The following NTRK3 variants were observed in gnomAD, a reference collection of about 807,000 sequenced individuals.
The protein encoded by NTRK3 is neurotrophic receptor tyrosine kinase 3, also known as NT-3 growth factor receptor.
Under a neutral mutation model 91.7 loss-of-function variants are expected in NTRK3, and 24 were observed. That is an observed-to-expected ratio of 0.26 (90% CI 0.19 to 0.37). NTRK3 has a LOEUF of 0.37. Among genes scored for constraint, NTRK3 ranks in the 10% least tolerant of loss-of-function variants. NTRK3 has a pLI of 1.00. For missense variants in NTRK3, 880 were observed against 1,068.9 expected (o/e 0.82, Z 2.46); for synonymous variants, 483 against 404.0 (o/e 1.20, Z -2.34).
Position 88,255,839 on chromosome 15 carries a change from C to T in NTRK3, c.248+67G>A. ...GGCGGGCGGAGGGCCGGCTCCCGGC[C>T]GCGGGTGGGCAGGAGGGAGACGCAG... On this transcript the variant is annotated intron_variant, in intron 3 of 18. Transcript: ENST00000394480. This position sits in a 1 kb window ranked among gnomAD's most constrained non-coding sequence, Gnocchi z 4.3. 1 of 1,410,754 alleles carries T rather than the reference C, an allele frequency of 7.1e-7. No homozygotes were observed. Among genetic ancestry groups the T allele is most frequent in the Non-Finnish European group, 9.4e-7 (1 of 1,064,060 alleles). The allele number at this position is 1,410,754 out of a possible 1,614,324, so 87.4% of individuals were successfully genotyped here. A position where few individuals can be genotyped will look rare whatever the true frequency, so the allele number is the denominator to read the frequency against.
intron 14 of NTRK3, among the ~76,000 whole-genome samples, chr15:88,015,789 C>T (rs2077193895): frequency 6.6e-6 from 1 of 152,084 alleles, no homozygotes; most frequent in Admixed American, 6.6e-5. Context: ...TCTTTGTACT[C>T]AGTTTTTCTC....
chr15:88,052,901 C>T (rs965933236), intron 13 of NTRK3, among the ~76,000 whole-genome samples: 7 of 152,140 alleles, frequency 4.6e-5, no homozygotes, highest in Non-Finnish European at 8.8e-5. Context: ...AAGGGGTTAT[C>T]TATCAGCTGA....
intron 17 of NTRK3, among the ~76,000 whole-genome samples, chr15:87,885,115 C>T (rs1297123016): frequency 3.3e-5 from 5 of 151,814 alleles, no homozygotes; most frequent in East Asian, 3.9e-4. Context: ...TCTCACATGC[C>T]GGTGGCAATG....
chr15:88,200,944 C>T (rs540810292), intron 3 of NTRK3, among the ~76,000 whole-genome samples: 4 of 152,328 alleles, frequency 2.6e-5, no homozygotes, highest in African/African-American at 9.6e-5. Flanking sequence ...TCTAACAATG[C>T]AGCGAGCACA....
intron 13 of NTRK3, among the ~76,000 whole-genome samples, chr15:88,054,619 G>A (rs2045523560): frequency 6.6e-6 from 1 of 152,082 alleles, no homozygotes; most frequent in Non-Finnish European, 1.5e-5. Context: ...TTTCAGTTCT[G>A]GAGTTTCTGC....
In NTRK3 at chr15:88,155,133, G is replaced by A. The variant is rs551526192; in HGVS notation, c.396-7730C>T. 1.7e-3 allele frequency among the ~76,000 whole-genome samples: 258 copies of A among 152,298 alleles called. 3 individuals carry two copies. Among genetic ancestry groups the A allele is most frequent in the African/African-American group, 5.7e-3 (235 of 41,566 alleles). Reference sequence around the variant, plus strand: ...ATCTGTGAATAGGTTAACTTACACCGCAGAGGTGATTAAGCATATAGACCT... The same window carrying A: ...ATCTGTGAATAGGTTAACTTACACCACAGAGGTGATTAAGCATATAGACCT... On this transcript the variant is annotated intron_variant, in intron 5 of 18. Transcript: ENST00000394480.
At chr15:88,016,246 TAGAG>T (rs1456796419) in intron 14 of NTRK3, among the ~76,000 whole-genome samples, 1 of 152,140 alleles carries the variant, frequency 6.6e-6, no homozygotes, top group African/African-American at 2.4e-5. Context: ...TAAAGAGACA[TAGAG>T]AGGCTAACCA....
intron 13 of NTRK3, among the ~76,000 whole-genome samples, chr15:88,073,741 A>T (rs2047289079): frequency 6.6e-6 from 1 of 152,106 alleles, no homozygotes; most frequent in Non-Finnish European, 1.5e-5. Flanking sequence ...AAATCTAAGG[A>T]TGCAAGCCCT....
Position 88,255,632 on chromosome 15 carries a change from C to A in NTRK3, c.248+274G>T, listed in dbSNP as rs2053960956. Among the ~76,000 whole-genome samples the A allele has an allele frequency of 6.6e-6, 1 of 152,180 alleles. No individual in the cohort carries two copies. Among genetic ancestry groups the A allele is most frequent in the East Asian group, 1.9e-4 (1 of 5,176 alleles). ...AGCCAGCAACTGGTTGGGAGGCGGG[C>A]GGTAGCTGGGCCCCGCGTGCCCTCG... On this transcript the variant is annotated intron_variant, in intron 3 of 18. Coordinates refer to ENST00000394480, the Ensembl canonical transcript of NTRK3. The surrounding 1 kb of genome is among the most constrained non-coding windows in gnomAD (Gnocchi z 4.3).
intron 3 of NTRK3, among the ~76,000 whole-genome samples, chr15:88,251,514 G>A (rs1370732758): frequency 1.3e-5 from 2 of 152,268 alleles, no homozygotes; most frequent in Non-Finnish European, 2.9e-5. Context: ...GGCCCCGAGG[G>A]GAGGCTGGAG....
At chr15:87,954,577 G>C (rs558326305) in intron 14 of NTRK3, among the ~76,000 whole-genome samples, 1 of 152,164 alleles carries the variant, frequency 6.6e-6, no homozygotes, top group Admixed American at 6.5e-5. Flanking sequence ...TATTTGGATG[G>C]AAGACCAGTC....
intron 17 of NTRK3, among the ~76,000 whole-genome samples, chr15:87,899,071 G>A (rs1012451250): frequency 2.0e-5 from 3 of 152,172 alleles, no homozygotes; most frequent in Admixed American, 2.0e-4. Flanking sequence ...TGCCAGCCCA[G>A]TCATTGGGAT....
intron 17 of NTRK3, among the ~76,000 whole-genome samples, chr15:87,917,201 C>T (rs183811679): frequency 2.6e-5 from 4 of 152,244 alleles, no homozygotes; most frequent in Non-Finnish European, 4.4e-5. Context: ...GTAGGATTCT[C>T]GCTAGACACA....
chr15:88,161,419 G>T (rs929034874), intron 5 of NTRK3, among the ~76,000 whole-genome samples: 3 of 152,146 alleles, frequency 2.0e-5, no homozygotes, highest in Non-Finnish European at 2.9e-5. Context: ...TGTCTCCTGT[G>T]CTCCTAGCGA....
intron 3 of NTRK3, among the ~76,000 whole-genome samples, chr15:88,227,684 C>T (rs1261083219): frequency 2.6e-5 from 4 of 152,112 alleles, no homozygotes; most frequent in Non-Finnish European, 5.9e-5. Context: ...TGTGGGACTT[C>T]GTTATGGCAG....
intron 13 of NTRK3, among the ~76,000 whole-genome samples, chr15:88,071,726 C>T (rs888038275): frequency 6.6e-6 from 1 of 152,170 alleles, no homozygotes; most frequent in Non-Finnish European, 1.5e-5. Context: ...AGCGCTGATG[C>T]TCCTTATGGG....
At chr15:87,966,613 C>G (rs1307705886) in intron 14 of NTRK3, among the ~76,000 whole-genome samples, 1 of 152,210 alleles carries the variant, frequency 6.6e-6, no homozygotes, top group Non-Finnish European at 1.5e-5. Flanking sequence ...TTGGGCTTAG[C>G]AGTACACGTA....
intron 14 of NTRK3, among the ~76,000 whole-genome samples, chr15:88,006,655 A>C (rs1188854549): frequency 6.6e-6 from 1 of 152,208 alleles, no homozygotes; most frequent in East Asian, 1.9e-4. Context: ...AGCAGTGAGC[A>C]TCTCCTTGAT....
At chr15:87,975,389 T>C (rs546176841) in intron 14 of NTRK3, among the ~76,000 whole-genome samples, 96 of 152,276 alleles carry the variant, frequency 6.3e-4, no homozygotes, top group Non-Finnish European at 1.1e-3. Flanking sequence ...CACCCTGGGT[T>C]CGTGAACTGA....
Sources: allele counts gnomAD v4.1 joint callset (sites outside exome capture counted in the v4.1 genomes callset), GRCh38; gene constraint gnomAD v4.1.1; non-coding constraint Gnocchi (gnomAD v3.1); transcripts MANE v1.5; gene names NCBI Gene and HGNC (gene_info 2026-07-23, HGNC 2026-07-21).